The following GALNT17 variants were observed in gnomAD, a reference collection of about 807,000 sequenced individuals.
GALNT17 encodes the protein polypeptide N-acetylgalactosaminyltransferase 17.
In GALNT17, 29 loss-of-function variants were observed where a neutral mutation model predicts 63.7. The observed-to-expected ratio is 0.46, with a 90% confidence interval of 0.34 to 0.62. The LOEUF is 0.62. Ranked by LOEUF, GALNT17 falls within the 20% of genes least tolerant of loss-of-function variation. The pLI is 0.01. For missense variants in GALNT17, 603 were observed against 799.6 expected, an observed-to-expected ratio of 0.75 and a Z score of 2.97; for synonymous variants, 305 against 318.3, an observed-to-expected ratio of 0.96 and a Z score of 0.45.
chr7:71,599,721 C>G (rs1025227212), intron 6 of GALNT17, among the ~76,000 whole-genome samples: 3 of 151,880 alleles, frequency 2.0e-5, no homozygotes, highest in African/African-American at 7.2e-5. Flanking sequence ...CAGGATACCC[C>G]CCCCACCCCA....
chr7:71,195,737 T>A (rs951269399), intron 1 of GALNT17, among the ~76,000 whole-genome samples: 6 of 151,902 alleles, frequency 3.9e-5, no homozygotes, highest in African/African-American at 1.4e-4. Context: ...TTTGTAGAGA[T>A]AGAGTCTTGC....
chr7:71,365,227 C>G (rs934921205), intron 2 of GALNT17, among the ~76,000 whole-genome samples: 1 of 151,992 alleles, frequency 6.6e-6, no homozygotes, highest in Non-Finnish European at 1.5e-5. Context: ...GCCACCACAT[C>G]CGGTCATGGA....
chr7:71,410,469 C>T (rs765212596), intron 3 of GALNT17, among the ~76,000 whole-genome samples: 18 of 152,198 alleles, frequency 1.2e-4, no homozygotes, highest in Non-Finnish European at 2.4e-4. Context: ...TGGTCTTGAA[C>T]TCCTGACCTC....
intron 6 of GALNT17, among the ~76,000 whole-genome samples, chr7:71,627,379 A>G (rs1790389399): frequency 6.6e-6 from 1 of 152,164 alleles, no homozygotes; most frequent in African/African-American, 2.4e-5. Flanking sequence ...TGGTTGCACC[A>G]TTGCGCCCTA....
chr7:71,187,842 C>T lies in GALNT17; in HGVS notation c.238+54802C>T, dbSNP rs530941967. Among the ~76,000 whole-genome samples, 15 of 152,232 alleles carry T rather than the reference C, an allele frequency of 9.9e-5. No homozygotes were observed. The South Asian group carries it at 2.3e-3, about 23-fold the overall frequency. ...GTGAAATTTTGGCGCACCTATCACCCGAGCAGTATACACTGCACTCAATTT... is the reference window on the plus strand; with the variant it reads ...GTGAAATTTTGGCGCACCTATCACCTGAGCAGTATACACTGCACTCAATTT... On this transcript the variant is annotated intron_variant, in intron 1 of 10. Transcript: ENST00000333538.
At chr7:71,330,528 G>A (rs906509436) in intron 1 of GALNT17, among the ~76,000 whole-genome samples, 2 of 152,148 alleles carry the variant, frequency 1.3e-5, no homozygotes, top group African/African-American at 4.8e-5. Flanking sequence ...CTCTCAAGGA[G>A]CTGGGACTAT....
intron 5 of GALNT17, among the ~76,000 whole-genome samples, chr7:71,453,026 T>G (rs757509260): frequency 9.9e-5 from 15 of 152,208 alleles, no homozygotes; most frequent in African/African-American, 1.4e-4. Context: ...TTCTCTCTGG[T>G]GGTTTAGTAA....
At chr7:71,619,713 A>T (rs921774658) in intron 6 of GALNT17, among the ~76,000 whole-genome samples, 1 of 152,188 alleles carries the variant, frequency 6.6e-6, no homozygotes, top group Admixed American at 6.6e-5. Context: ...AGGGTTTTCT[A>T]GATATACAGT....
intron 1 of GALNT17, among the ~76,000 whole-genome samples, chr7:71,175,467 T>C (rs1316016938): frequency 6.6e-6 from 1 of 152,214 alleles, no homozygotes; most frequent in African/African-American, 2.4e-5. Context: ...CTATCAAATA[T>C]CTTATCTACT....
At chr7:71,197,133 CTTTTAGTTAT>C (rs1471188772) in intron 1 of GALNT17, among the ~76,000 whole-genome samples, 1 of 142,542 alleles carries the variant, frequency 7.0e-6, no homozygotes, top group Non-Finnish European at 1.5e-5. Flanking sequence ...CAGTCATACT[CTTTTAGTTAT>C]TTTAAAATGT....
At chr7:71,317,015 C>A (rs1791512631) in intron 1 of GALNT17, among the ~76,000 whole-genome samples, 1 of 152,174 alleles carries the variant, frequency 6.6e-6, no homozygotes, top group Non-Finnish European at 1.5e-5. Flanking sequence ...ACATCCATCT[C>A]CCTTGAGTGA....
At chr7:71,276,775 A>G (rs1421556796) in intron 1 of GALNT17, among the ~76,000 whole-genome samples, 1 of 152,128 alleles carries the variant, frequency 6.6e-6, no homozygotes, top group East Asian at 1.9e-4. Context: ...AGGCGGGTAG[A>G]TCATTTGAGG....
At chr7:71,670,462 A>G (rs184420475) in intron 8 of GALNT17, among the ~76,000 whole-genome samples, 1 of 152,226 alleles carries the variant, frequency 6.6e-6, no homozygotes, top group Non-Finnish European at 1.5e-5. Flanking sequence ...GGAGTCCTCC[A>G]TTGCTCTGTG....
chr7:71,707,559 C>T (rs1034244255), intron 9 of GALNT17, among the ~76,000 whole-genome samples: 4 of 152,154 alleles, frequency 2.6e-5, no homozygotes, highest in Admixed American at 6.5e-5. Flanking sequence ...TTTTTTATTG[C>T]TCACGAGTCT....
At position 71,299,729 on chromosome 7, in the gene GALNT17, T is replaced by C. The variant is rs80102865; in HGVS notation, c.239-35821T>C. On this transcript the variant is annotated intron_variant, in intron 1 of 10. Transcript: ENST00000333538. The stretch of plus-strand genomic sequence containing the variant: ...CCCTATGTCCTTCCTGTGTGTCTGC[T>C]TGTAGATTTCTGGAGGGAATGTTTC... Among the ~76,000 whole-genome samples, 566 of 152,162 alleles carry C rather than the reference T, an allele frequency of 3.7e-3. 7 individuals carry two copies. Among genetic ancestry groups the C allele is most frequent in the African/African-American group, 0.013 (545 of 41,516 alleles).
At chr7:71,339,331 T>G (rs1791967417) in intron 2 of GALNT17, among the ~76,000 whole-genome samples, 1 of 152,094 alleles carries the variant, frequency 6.6e-6, no homozygotes, top group South Asian at 2.1e-4. Context: ...GCATGTGCAG[T>G]GAGGATCTGA....
At chr7:71,411,935 C>A (rs1292812890) in intron 3 of GALNT17, among the ~76,000 whole-genome samples, 1 of 152,138 alleles carries the variant, frequency 6.6e-6, no homozygotes, top group Non-Finnish European at 1.5e-5. Context: ...AGAAACTCTG[C>A]CAAACACTTC....
At chr7:71,281,803 G>A (rs1451120362) in intron 1 of GALNT17, among the ~76,000 whole-genome samples, 1 of 152,178 alleles carries the variant, frequency 6.6e-6, no homozygotes, top group South Asian at 2.1e-4. Context: ...CCACCTCCCA[G>A]TGTGGGAACA....
chr7:71,621,535 ATT>A (rs1790292148), intron 6 of GALNT17, among the ~76,000 whole-genome samples: 1 of 69,644 alleles, frequency 1.4e-5, no homozygotes, highest in Non-Finnish European at 3.3e-5. Context: ...GGATGGATGG[ATT>A]GATGGATTGA....
Sources: allele counts gnomAD v4.1 joint callset (sites outside exome capture counted in the v4.1 genomes callset), GRCh38; gene constraint gnomAD v4.1.1; transcripts MANE v1.5; gene names NCBI Gene and HGNC (gene_info 2026-07-23, HGNC 2026-07-21).